EFNA5: variants seen among roughly 807,000 people sequenced by gnomAD.
EFNA5 encodes the protein ephrin A5.
In EFNA5, 5 loss-of-function variants were observed where a neutral mutation model predicts 22.9. The ratio of observed to expected loss-of-function variants is 0.22; its 90% CI spans 0.11 to 0.46. The LOEUF is 0.46. EFNA5 is among the 20% of genes least tolerant of loss of function. EFNA5 has a pLI of 0.99. For missense variants in EFNA5, 237 were observed against 293.3 expected (o/e 0.81, Z 1.40); for synonymous variants, 113 against 112.2 (o/e 1.01, Z -0.04).
intron 1 of EFNA5, among the ~76,000 whole-genome samples, chr5:107,526,166 T>C (rs1747692985): frequency 6.6e-6 from 1 of 152,186 alleles, no homozygotes; most frequent in Non-Finnish European, 1.5e-5. Context: ...TCCAGGAAGT[T>C]TTCTACTGGC....
chr5:107,472,847 G>A (rs1750175827), intron 1 of EFNA5, among the ~76,000 whole-genome samples: 1 of 152,246 alleles, frequency 6.6e-6, no homozygotes, highest in East Asian at 1.9e-4. Flanking sequence ...TCAGTCATCT[G>A]AGTGTACTCA....
At chr5:107,503,585 C>T (rs1344183250) in intron 1 of EFNA5, among the ~76,000 whole-genome samples, 1 of 152,188 alleles carries the variant, frequency 6.6e-6, no homozygotes, top group Non-Finnish European at 1.5e-5. Flanking sequence ...GGCTATGTTT[C>T]ACTACTTACG....
chr5:107,638,338 G>A (rs1189428225), intron 1 of EFNA5, among the ~76,000 whole-genome samples: 2 of 152,182 alleles, frequency 1.3e-5, no homozygotes, highest in East Asian at 1.9e-4. Flanking sequence ...GGTTTCCAGG[G>A]ACTGGGGCGG....
intron 2 of EFNA5, among the ~76,000 whole-genome samples, chr5:107,408,632 A>G (rs1748282796): frequency 6.6e-6 from 1 of 152,214 alleles, no homozygotes; most frequent in African/African-American, 2.4e-5. Context: ...TAAAAAACAG[A>G]ATTTTACTAA....
intron 2 of EFNA5, among the ~76,000 whole-genome samples, chr5:107,425,882 C>G (rs1272420635): frequency 6.6e-6 from 1 of 152,016 alleles, no homozygotes; most frequent in African/African-American, 2.4e-5. Flanking sequence ...AGAAATGAGT[C>G]AGAAAAAAGA....
At position 107,610,098 on chromosome 5, in the gene EFNA5, G is replaced by A. The variant is rs567799899; in HGVS notation, c.125+60391C>T. ...AGTTAAATTCTCTTCTATTATTTCC[G>A]TCCTTAAAATAGTCAGATAGCAAGA... On this transcript the variant is annotated intron_variant, in intron 1 of 4. Coordinates refer to ENST00000333274, the MANE Select transcript of EFNA5 (RefSeq NM_001962.3). Among the ~76,000 whole-genome samples, 8 of 152,230 alleles carry A rather than the reference G, an allele frequency of 5.3e-5. 1 individual carries two copies. Among genetic ancestry groups the A allele is most frequent in the South Asian group, 2.1e-4 (1 of 4,820 alleles).
chr5:107,658,197 A>G (rs559109306), intron 1 of EFNA5, among the ~76,000 whole-genome samples: 6 of 152,338 alleles, frequency 3.9e-5, no homozygotes, highest in African/African-American at 1.4e-4. Flanking sequence ...TAAAAAGAAC[A>G]TTTGGGGTTA....
intron 1 of EFNA5, among the ~76,000 whole-genome samples, chr5:107,610,243 A>G (rs1006575366): frequency 1.6e-4 from 25 of 152,240 alleles, no homozygotes; most frequent in African/African-American, 6.0e-4. Context: ...TCTATAAAGA[A>G]TTCAGAGTTT....
Position 107,567,512 on chromosome 5 carries a change from G to A in EFNA5, c.125+102977C>T, listed in dbSNP as rs113686687. On this transcript the variant is annotated intron_variant, in intron 1 of 4. Coordinates refer to ENST00000333274, the MANE Select transcript of EFNA5 (RefSeq NM_001962.3). ...TCATTTATGTACTCTGGAGAGGTGA[G>A]AGAATACCATGACAGACAAATGAAG... 7.5e-4 allele frequency among the ~76,000 whole-genome samples: 114 copies of A among 152,266 alleles called. No homozygotes were observed. In the Middle Eastern group the frequency reaches 0.01, roughly 14 times the overall value.
chr5:107,539,083 T>C (rs1747990561), intron 1 of EFNA5, among the ~76,000 whole-genome samples: 1 of 152,202 alleles, frequency 6.6e-6, no homozygotes, highest in Non-Finnish European at 1.5e-5. Context: ...CCCCAGAAAG[T>C]TCACAGCACA....
chr5:107,611,636 G>A (rs939363036), intron 1 of EFNA5, among the ~76,000 whole-genome samples: 4 of 152,148 alleles, frequency 2.6e-5, no homozygotes, highest in African/African-American at 7.2e-5. Context: ...GTGAATATGT[G>A]AATATGACAG....
chr5:107,473,706 C>A (rs201314010), intron 1 of EFNA5, among the ~76,000 whole-genome samples: 4 of 149,606 alleles, frequency 2.7e-5, no homozygotes, highest in East Asian at 4.0e-4. Flanking sequence ...GTTGCCCAAG[C>A]TGGAGTGCAA....
At chr5:107,576,655 GC>G (rs1748934712) in intron 1 of EFNA5, among the ~76,000 whole-genome samples, 1 of 152,200 alleles carries the variant, frequency 6.6e-6, no homozygotes, top group East Asian at 1.9e-4. Context: ...GCATGTTGGA[GC>G]AGACTCATGT....
At chr5:107,630,695 A>G (rs942722877) in intron 1 of EFNA5, among the ~76,000 whole-genome samples, 2 of 152,208 alleles carry the variant, frequency 1.3e-5, no homozygotes, top group East Asian at 1.9e-4. Flanking sequence ...TTCTTCAATA[A>G]TAGATTAACC....
chr5:107,619,584 T>G (rs1749994176), intron 1 of EFNA5, among the ~76,000 whole-genome samples: 1 of 151,848 alleles, frequency 6.6e-6, no homozygotes, highest in African/African-American at 2.4e-5. Flanking sequence ...TGCCTCAGCC[T>G]CTCAAGTAGC....
chr5:107,442,768 T>C (rs1436297689), intron 1 of EFNA5, among the ~76,000 whole-genome samples: 2 of 152,156 alleles, frequency 1.3e-5, no homozygotes, highest in African/African-American at 4.8e-5. Context: ...GAAATGCTGA[T>C]ACTCAGAAGA....
intron 2 of EFNA5, among the ~76,000 whole-genome samples, chr5:107,390,752 T>C (rs1375252116): frequency 6.6e-6 from 1 of 152,066 alleles, no homozygotes; most frequent in East Asian, 1.9e-4. Flanking sequence ...TATAACTTCT[T>C]GTGCTGCTTT....
intron 1 of EFNA5, among the ~76,000 whole-genome samples, chr5:107,542,613 C>T (rs557638129): frequency 2.0e-4 from 30 of 152,040 alleles, no homozygotes; most frequent in Non-Finnish European, 2.8e-4. Context: ...CCTTCTCTGC[C>T]GGCAAATATG....
rs7446202 is a variant in EFNA5, at chr5:107,591,959, A to T, written c.125+78530T>A. Reference sequence around the variant, plus strand: ...ATATATATATTATATATAATATATAATATATATAATATATATAATATATAA... The same window carrying T: ...ATATATATATTATATATAATATATATTATATATAATATATATAATATATAA... On this transcript the variant is annotated intron_variant, in intron 1 of 4. Coordinates refer to ENST00000333274, the MANE Select transcript of EFNA5 (RefSeq NM_001962.3). 2.5e-3 allele frequency among the ~76,000 whole-genome samples: 25 copies of T among 10,050 alleles called. 1 individual carries two copies. Among genetic ancestry groups the T allele is most frequent in the African/African-American group, 0.011 (17 of 1,554 alleles). 6.6% of individuals were successfully genotyped at this position (10,050 alleles called of 152,430 possible).
Sources: gnomAD v4.1 joint callset for allele counts (sites outside exome capture counted in the v4.1 genomes callset) on GRCh38, gnomAD v4.1.1 for gene constraint, MANE v1.5 for transcripts, NCBI Gene and HGNC (gene_info 2026-07-23, HGNC 2026-07-21) for gene names.